The following AMDHD1 variants were observed in gnomAD, a reference collection of about 807,000 sequenced individuals.
The protein encoded by AMDHD1 is probable imidazolonepropionase.
In AMDHD1, 45 loss-of-function variants were observed where a neutral mutation model predicts 44.1. That is an observed-to-expected ratio of 1.02 (90% CI 0.80 to 1.31). The LOEUF (loss-of-function observed/expected upper bound fraction) is 1.31, where lower values mean the gene tolerates loss of function less well. AMDHD1 is among the 50% of genes most tolerant of loss of function. The pLI is 0.00. For synonymous variants in AMDHD1, 206 were observed against 205.0 expected (o/e 1.00, Z -0.04); for missense variants, 586 against 552.1 (o/e 1.06, Z -0.61).
intron 5 of AMDHD1, among the ~76,000 whole-genome samples, chr12:95,961,709 G>A (rs940427729): frequency 1.3e-5 from 2 of 152,148 alleles, no homozygotes; most frequent in African/African-American, 2.4e-5. Flanking sequence ...CTCACCTACC[G>A]CATTTCATGC....
rs368544076 is a variant in AMDHD1 at position 95,960,568 on chromosome 12, T to A, written c.758T>A (p.Ile253Lys). 1.9e-6 allele frequency: 3 copies of A among 1,614,204 alleles called. No individual in the cohort carries two copies. Among genetic ancestry groups the A allele is most frequent in the East Asian group, 4.5e-5 (2 of 44,888 alleles). ...AGGATTCTTCAACGTGGAAAAGATA[T>A]AGGGTTACAGATTAACTTCCATGGG... The part of the protein sequence containing the change: ...TRRILQRGKD[I>K]GLQINFHGDE... Residue 253 changes from isoleucine (I) to lysine (K), a missense_variant, in exon 5 of 9, where the codon ATA (isoleucine) becomes AAA (lysine). Transcript: ENST00000266736.
rs777554650 is a variant in AMDHD1, at chr12:95,960,635, T to C, written c.813+12T>C. On this transcript the variant is annotated intron_variant, in intron 5 of 8. Transcript: ENST00000266736. ...TGAAGGCTGCTGAGGTGTGGTTGACTTTTAGTTTTTCCCTCGTCAACATTC... is the reference window on the plus strand; with the variant it reads ...TGAAGGCTGCTGAGGTGTGGTTGACCTTTAGTTTTTCCCTCGTCAACATTC... 6.2e-7 allele frequency: 1 copy of C among 1,607,080 alleles called. No individual in the cohort carries two copies. The highest frequency in any genetic ancestry group is 1.7e-5 in the Admixed American group (1 of 59,526).
Position 95,955,927 on chromosome 12 carries a change from C to T in AMDHD1, c.310-758C>T, listed in dbSNP as rs148170170. On this transcript the variant is annotated intron_variant, in intron 3 of 8. Transcript: ENST00000266736. ...TTGAGACAAGGAAACTTCCTGGGGC[C>T]GCTTTAGTGGAGATCTGAATAATTG... 7.6e-3 allele frequency among the ~76,000 whole-genome samples: 1,150 copies of T among 152,222 alleles called. 10 individuals carry two copies. Among genetic ancestry groups the T allele is most frequent in the Non-Finnish European group, 0.012 (848 of 68,026 alleles).
chr12:95,950,937 T>A (rs4762649), intron 1 of AMDHD1, among the ~76,000 whole-genome samples: 2 of 152,090 alleles, frequency 1.3e-5, no homozygotes, highest in African/African-American at 2.4e-5. Flanking sequence ...TATTTGACGT[T>A]TAAAGTTTTT....
chr12:95,950,419 C>G (rs1366214067), intron 1 of AMDHD1, among the ~76,000 whole-genome samples: 1 of 152,228 alleles, frequency 6.6e-6, no homozygotes, highest in East Asian at 1.9e-4. Context: ...AGTTCGGAAT[C>G]CCTTATCCTA....
chr12:95,967,254 A>G lies in AMDHD1; in HGVS notation c.1194-502A>G, dbSNP rs767681412. Among the ~76,000 whole-genome samples the G allele has an allele frequency of 7.2e-5, 11 of 152,340 alleles. No homozygotes were observed. In the East Asian group the frequency reaches 1.7e-3, roughly 24 times the overall value. ...GGGAAAGACCCACTCCCATGATTCAATTACCTCCCACTGGGTCCCTCCCAC... is the reference window on the plus strand; with the variant it reads ...GGGAAAGACCCACTCCCATGATTCAGTTACCTCCCACTGGGTCCCTCCCAC... On this transcript the variant is annotated intron_variant, in intron 8 of 8. Transcript: ENST00000266736.
chr12:95,948,507 G>C (rs1457621296), intron 1 of AMDHD1, among the ~76,000 whole-genome samples: 2 of 69,374 alleles, frequency 2.9e-5, no homozygotes, highest in Admixed American at 1.5e-4. Flanking sequence ...TCAGCCCCCC[G>C]CCCGGCCAGC....
Position 95,960,468 on chromosome 12 carries a change from A to G in AMDHD1, c.658A>G (p.Arg220Gly). The change falls in exon 5 of 9, where the codon AGA becomes GGA. Residue 220 changes from arginine (R) to glycine (G), a missense_variant. Coordinates refer to ENST00000266736, the MANE Select transcript of AMDHD1 (RefSeq NM_152435.3). ...NHLPKLKELG[R>G]NGEIHVDNID... Reference sequence around the variant, plus strand: ...CCTCCCAAAGCTGAAGGAACTTGGCAGAAATGGGGAAATACACGTGGACAA... The same window carrying G: ...CCTCCCAAAGCTGAAGGAACTTGGCGGAAATGGGGAAATACACGTGGACAA... 6.2e-7 allele frequency: 1 copy of G among 1,614,264 alleles called. No individual in the cohort carries two copies. Among genetic ancestry groups the G allele is most frequent in the South Asian group, 1.1e-5 (1 of 91,086 alleles).
chr12:95,951,278 C>G (rs1209906059), intron 1 of AMDHD1, among the ~76,000 whole-genome samples: 1 of 152,206 alleles, frequency 6.6e-6, no homozygotes, highest in Non-Finnish European at 1.5e-5. Context: ...ATTTTACTCT[C>G]TATCTCCATG....
chr12:95,965,184 A>C (rs1030853403), intron 6 of AMDHD1, among the ~76,000 whole-genome samples: 1 of 151,750 alleles, frequency 6.6e-6, no homozygotes, highest in African/African-American at 2.4e-5. Context: ...CTGTAGTCCC[A>C]ACTACTCGGG....
intron 6 of AMDHD1, among the ~76,000 whole-genome samples, chr12:95,964,653 A>G (rs1258488270): frequency 2.6e-5 from 4 of 152,132 alleles, no homozygotes; most frequent in Admixed American, 2.6e-4. Context: ...ATGATCGATC[A>G]TAGACTGGGA....
intron 8 of AMDHD1, among the ~76,000 whole-genome samples, chr12:95,967,030 T>G (rs2080614618): frequency 6.6e-6 from 1 of 152,150 alleles, no homozygotes; most frequent in Non-Finnish European, 1.5e-5. Context: ...ATACCGAGAC[T>G]GGGTAATTTA....
At chr12:95,964,296 C>G (rs759800417) in intron 6 of AMDHD1, among the ~76,000 whole-genome samples, 2 of 152,158 alleles carry the variant, frequency 1.3e-5, no homozygotes, top group East Asian at 1.9e-4. Context: ...TCAGGAGAGA[C>G]CAGCAGGGCC....
intron 4 of AMDHD1, among the ~76,000 whole-genome samples, chr12:95,958,818 G>T (rs2080565379): frequency 6.6e-6 from 1 of 152,196 alleles, no homozygotes. Context: ...CACTTTGGGG[G>T]GCCGAGGCGG....
At position 95,944,327 on chromosome 12, in the gene AMDHD1, T is replaced by TTTTGTTTA. The variant is rs1555234323; in HGVS notation, c.137+795_137+796insGTTTATTT. On this transcript the variant is annotated intron_variant, in intron 1 of 8. Transcript: ENST00000266736. ...TTTAAGGGACTGTGGGTTGGTTTAATTTTATTTATTTATTTATTTATTTAT... is the reference window on the plus strand; with the variant it reads ...TTTAAGGGACTGTGGGTTGGTTTAATTTTGTTTATTTATTTATTTATTTATTTATTTAT... 4.9e-5 allele frequency among the ~76,000 whole-genome samples: 7 copies of TTTTGTTTA among 141,574 alleles called. No homozygotes were observed. The Admixed American group carries it at 5.0e-4, about 10-fold the overall frequency. 92.9% of individuals were successfully genotyped at this position (141,574 alleles called of 152,430 possible).
chr12:95,953,479 C>T (rs2080534040), intron 2 of AMDHD1, among the ~76,000 whole-genome samples: 1 of 152,088 alleles, frequency 6.6e-6, no homozygotes, highest in Non-Finnish European at 1.5e-5. Context: ...ACTTTCAGTT[C>T]TACACAAACA....
chr12:95,960,255 T>C (rs1772872711), intron 4 of AMDHD1, 143 bp from the exon 5 acceptor site: 1 of 690,778 alleles, frequency 1.4e-6, no homozygotes, highest in Non-Finnish European at 2.4e-6. Context: ...CCCATAGTTG[T>C]AGCTTTGAGT....
At chr12:95,952,082 C>A (rs7969918) in intron 1 of AMDHD1, among the ~76,000 whole-genome samples, 97,398 of 151,926 alleles carry the variant, frequency 0.64, 32,118 homozygotes, top group East Asian at 0.95. Flanking sequence ...AAGGCTTTTA[C>A]CTTGAAGTGA....
At chr12:95,963,271 T>C (rs1305403856) in intron 6 of AMDHD1, among the ~76,000 whole-genome samples, 1 of 152,202 alleles carries the variant, frequency 6.6e-6, no homozygotes, top group Admixed American at 6.5e-5. Context: ...ATTTTGTCCC[T>C]CAGGGGACAT....
Sources: gnomAD v4.1 joint callset for allele counts (sites outside exome capture counted in the v4.1 genomes callset) on GRCh38, gnomAD v4.1.1 for gene constraint, MANE v1.5 for transcripts, NCBI Gene and HGNC (gene_info 2026-07-23, HGNC 2026-07-21) for gene names.